The following RPS6KC1 variants were observed in gnomAD, a reference collection of about 807,000 sequenced individuals.
RPS6KC1 encodes the protein ribosomal protein S6 kinase C1, also known as inactive ribosomal protein S6 kinase delta-1.
A neutral mutation model predicts 103.8 loss-of-function variants in RPS6KC1; 54 were observed. The ratio of observed to expected loss-of-function variants is 0.52; its 90% CI spans 0.42 to 0.65. The LOEUF (loss-of-function observed/expected upper bound fraction) is 0.65, where lower values mean the gene tolerates loss of function less well. Ranked by LOEUF, RPS6KC1 falls within the 30% of genes least tolerant of loss-of-function variation. RPS6KC1 has a pLI of 0.00. For synonymous variants in RPS6KC1, 439 were observed against 438.7 expected (o/e 1.00, Z -0.01); for missense variants, 1,151 against 1,253.8 (o/e 0.92, Z 1.24).
the RPS6KC1 span, among the ~76,000 whole-genome samples, chr1:213,452,550 C>T: frequency 1.1e-3 from 160 of 152,196 alleles, no homozygotes; most frequent in African/African-American, 3.6e-3. Flanking sequence ...GTCTTTCCTC[C>T]CCACATTTTC....
chr1:213,318,542 G>A, the RPS6KC1 span, among the ~76,000 whole-genome samples: 189 of 152,332 alleles, frequency 1.2e-3, 1 homozygote, highest in African/African-American at 4.4e-3. Flanking sequence ...CTATGTGTCT[G>A]TATTAGTCTG....
chr1:213,241,180 C>T lies in RPS6KC1; in HGVS notation c.1704C>T (p.His568=), dbSNP rs754360220. ...GCCCCAGCACACAGCTGAGAGCTCA[C>T]GAGCTGAAGTTCTTCCCCAACGATG... The part of the protein sequence containing the change: ...SDSPSTQLRA[H]ELKFFPNDDP... The change falls in exon 11 of 15, where the codon CAC becomes CAT. Residue 568 remains histidine, a synonymous_variant. Coordinates refer to ENST00000366960, the MANE Select transcript of RPS6KC1 (RefSeq NM_012424.6). The T allele has an allele frequency of 3.8e-5, 62 of 1,613,706 alleles. No individual in the cohort carries two copies. Among genetic ancestry groups the T allele is most frequent in the South Asian group, 3.3e-4 (30 of 91,070 alleles).
chr1:213,504,367 T>C, the RPS6KC1 span, among the ~76,000 whole-genome samples: 1 of 152,208 alleles, frequency 6.6e-6, no homozygotes, highest in South Asian at 2.1e-4. Flanking sequence ...TGATATCAAA[T>C]ATATGGAATT....
At chr1:213,321,455 T>C in the RPS6KC1 span, among the ~76,000 whole-genome samples, 2 of 152,190 alleles carry the variant, frequency 1.3e-5, no homozygotes, top group East Asian at 3.8e-4. Flanking sequence ...GATGTAACCA[T>C]GGTTGGCATG....
intron 8 of RPS6KC1, among the ~76,000 whole-genome samples, chr1:213,214,759 C>T (rs2093613872): frequency 1.3e-5 from 2 of 152,170 alleles, no homozygotes; most frequent in Admixed American, 1.3e-4. Flanking sequence ...GATACCCAGG[C>T]AAACAGGGTC....
the RPS6KC1 span, among the ~76,000 whole-genome samples, chr1:213,446,706 T>C: frequency 6.6e-6 from 1 of 152,190 alleles, no homozygotes; most frequent in Non-Finnish European, 1.5e-5. Context: ...AGGAGAGTTA[T>C]GAGGATGAAG....
intron 8 of RPS6KC1, among the ~76,000 whole-genome samples, chr1:213,221,205 A>G (rs1211115777): frequency 1.3e-5 from 2 of 151,674 alleles, no homozygotes; most frequent in East Asian, 3.9e-4. Flanking sequence ...TTTTTTTTTA[A>G]TAGAAAGATC....
chr1:213,153,139 G>C (rs1340242311), intron 6 of RPS6KC1, among the ~76,000 whole-genome samples: 3 of 152,222 alleles, frequency 2.0e-5, no homozygotes, highest in Non-Finnish European at 4.4e-5. Context: ...TGAGTCAGGA[G>C]AGTCAGGCAG....
chr1:213,431,360 AT>A, the RPS6KC1 span, among the ~76,000 whole-genome samples: 23 of 151,558 alleles, frequency 1.5e-4, no homozygotes, highest in African/African-American at 2.7e-4. Context: ...GTTATATGAG[AT>A]TTTTTTTTCC....
the RPS6KC1 span, among the ~76,000 whole-genome samples, chr1:213,631,066 A>G: frequency 6.6e-6 from 1 of 152,178 alleles, no homozygotes; most frequent in African/African-American, 2.4e-5. Flanking sequence ...GGAAAAGCGC[A>G]ATATTAGGGT....
the RPS6KC1 span, among the ~76,000 whole-genome samples, chr1:213,349,322 C>T: frequency 4.9e-4 from 74 of 152,132 alleles, no homozygotes; most frequent in Admixed American, 2.0e-4. Flanking sequence ...CTGCCTATAC[C>T]CTATCCACTG....
At chr1:213,176,708 G>C (rs140922638) in intron 8 of RPS6KC1, 2 of 340,222 alleles carry the variant, frequency 5.9e-6, no homozygotes, top group East Asian at 8.5e-5. Flanking sequence ...AGGAGAAGGC[G>C]CATATTTGTT....
At chr1:213,283,367 C>A in the RPS6KC1 span, among the ~76,000 whole-genome samples, 1 of 152,120 alleles carries the variant, frequency 6.6e-6, no homozygotes, top group Admixed American at 6.5e-5. Context: ...AAAATAAATT[C>A]GTAGACAACA....
chr1:213,435,128 G>C, the RPS6KC1 span, among the ~76,000 whole-genome samples: 3 of 151,962 alleles, frequency 2.0e-5, no homozygotes, highest in Non-Finnish European at 2.9e-5. Flanking sequence ...ATATTTTCAA[G>C]TTTACTAATA....
chr1:213,239,502 C>A (rs898348866), intron 10 of RPS6KC1, among the ~76,000 whole-genome samples: 8 of 152,040 alleles, frequency 5.3e-5, no homozygotes, highest in Non-Finnish European at 1.2e-4. Flanking sequence ...TATTGAATTT[C>A]TCAAAATGAA....
intron 12 of RPS6KC1, among the ~76,000 whole-genome samples, chr1:213,261,245 C>G (rs1286988643): frequency 2.0e-5 from 3 of 151,666 alleles, no homozygotes; most frequent in Non-Finnish European, 2.9e-5. Context: ...TATACATTCT[C>G]AAATGTAAAA....
At chr1:213,089,256 T>C (rs982353336) in intron 3 of RPS6KC1, among the ~76,000 whole-genome samples, 1 of 152,206 alleles carries the variant, frequency 6.6e-6, no homozygotes, top group African/African-American at 2.4e-5. Context: ...ACTCTTACCG[T>C]TGTAGGCTGT....
intron 7 of RPS6KC1, among the ~76,000 whole-genome samples, chr1:213,173,604 A>G (rs2091647201): frequency 6.6e-6 from 1 of 152,188 alleles, no homozygotes. Context: ...TTCCTAATCT[A>G]ATTTCCACAT....
the RPS6KC1 span, among the ~76,000 whole-genome samples, chr1:213,423,764 G>A: frequency 5.3e-5 from 8 of 152,020 alleles, no homozygotes; most frequent in Admixed American, 3.3e-4. Flanking sequence ...GAGGGGGAGC[G>A]GCAGGGGGCT....
Sources: gnomAD v4.1 joint callset for allele counts (sites outside exome capture counted in the v4.1 genomes callset) on GRCh38, gnomAD v4.1.1 for gene constraint, MANE v1.5 for transcripts, NCBI Gene and HGNC (gene_info 2026-07-23, HGNC 2026-07-21) for gene names.